CLASP2: variants seen among roughly 807,000 people sequenced by gnomAD.
CLASP2 encodes the protein cytoplasmic linker associated protein 2, also known as CLIP-associating protein 2.
In CLASP2, 47 loss-of-function variants were observed where a neutral mutation model predicts 194.4. The observed-to-expected ratio is 0.24, with a 90% CI of 0.19 to 0.31. CLASP2 has a LOEUF of 0.31. Ranked by LOEUF, CLASP2 falls within the 10% of genes least tolerant of loss-of-function variation. CLASP2 has a pLI of 1.00. For synonymous variants in CLASP2, 619 were observed against 633.5 expected (o/e 0.98, Z 0.34); for missense variants, 1,445 against 1,823.6 (o/e 0.79, Z 3.78).
rs183525892 is a variant in CLASP2 at position 33,624,563 on chromosome 3, G to C, written c.1036-2283C>G. On this transcript the variant is annotated intron_variant, in intron 10 of 38. Transcript: ENST00000682230. ...CCCCCAGTGGATGCCTGAAACCTCA[G>C]ATAGTACTGAACCCTATATATGCTT... is the stretch of plus-strand genomic sequence containing the variant. Among the ~76,000 whole-genome samples, 58 of 152,210 alleles carry C rather than the reference G, an allele frequency of 3.8e-4. 2 individuals are homozygous for C. The East Asian group carries it at 7.7e-3, about 20-fold the overall frequency.
chr3:33,551,779 T>C (rs147235278), intron 29 of CLASP2, among the ~76,000 whole-genome samples: 36 of 152,304 alleles, frequency 2.4e-4, no homozygotes, highest in East Asian at 1.5e-3. Flanking sequence ...ATTATAAACA[T>C]TTCCTTAAAT....
chr3:33,678,680 A>G (rs1456221399), intron 6 of CLASP2, among the ~76,000 whole-genome samples: 5 of 152,192 alleles, frequency 3.3e-5, no homozygotes, highest in Non-Finnish European at 5.9e-5. Context: ...CAGGTCAAAA[A>G]CTCAGATCTA....
intron 22 of CLASP2, among the ~76,000 whole-genome samples, chr3:33,582,690 AG>A (rs1383959867): frequency 1.3e-5 from 2 of 152,184 alleles, no homozygotes; most frequent in Non-Finnish European, 2.9e-5. Flanking sequence ...GGAAAAAATA[AG>A]CCAATGCTTT....
intron 6 of CLASP2, among the ~76,000 whole-genome samples, chr3:33,671,544 T>C (rs1341323615): frequency 6.6e-6 from 1 of 152,142 alleles, no homozygotes; most frequent in African/African-American, 2.4e-5. Context: ...TGCATTTCCA[T>C]CTGAGGTACC....
intron 6 of CLASP2, chr3:33,682,887 A>G (rs1425299381): frequency 1.3e-5 from 2 of 152,228 alleles, no homozygotes; most frequent in Non-Finnish European, 2.9e-5. Flanking sequence ...AAGAGCTTAG[A>G]TTCCCTGCTA....
At chr3:33,526,791 C>G (rs1370019322) in intron 34 of CLASP2, among the ~76,000 whole-genome samples, 1 of 152,058 alleles carries the variant, frequency 6.6e-6, no homozygotes. Flanking sequence ...GCTTGGACCA[C>G]AGCACAATAA....
intron 28 of CLASP2, 52 bp from the exon 29 acceptor site, chr3:33,559,437 A>T: frequency 2.0e-6 from 2 of 1,004,868 alleles, no homozygotes; most frequent in Non-Finnish European, 3.0e-6. Context: ...GCAAGTACGC[A>T]TGTAACAGCA....
Position 33,649,706 on chromosome 3 carries a change from CT to C in CLASP2, c.716-4804del, listed in dbSNP as rs2082866316. Among the ~76,000 whole-genome samples, 6 of 152,290 alleles carry C rather than the reference CT, an allele frequency of 3.9e-5. No individual in the cohort carries two copies. The South Asian group carries it at 1.2e-3, about 32-fold the overall frequency. On this transcript the variant is annotated intron_variant, in intron 7 of 38. Transcript: ENST00000682230. ...AACAGAGGACTCTTCCCACCAAAAG[CT>C]GGTATACCAAACAACTATACCCTCG...
intron 9 of CLASP2, among the ~76,000 whole-genome samples, chr3:33,629,103 A>G (rs897580283): frequency 1.6e-4 from 24 of 152,206 alleles, no homozygotes; most frequent in African/African-American, 5.5e-4. Flanking sequence ...TAAGCTAGAA[A>G]GAAGTGGGAT....
chr3:33,655,699 TA>T (rs1236567254), intron 7 of CLASP2, among the ~76,000 whole-genome samples: 38 of 152,282 alleles, frequency 2.5e-4, no homozygotes, highest in African/African-American at 8.9e-4. Flanking sequence ...TATTTAGTAC[TA>T]ATTTATTGCT....
intron 12 of CLASP2, among the ~76,000 whole-genome samples, chr3:33,614,107 A>G (rs1262081398): frequency 6.6e-6 from 1 of 152,222 alleles, no homozygotes; most frequent in Non-Finnish European, 1.5e-5. Flanking sequence ...GTAGACTCTT[A>G]GGAAATAAAC....
rs1379398655 is a variant in CLASP2, at chr3:33,644,885, T to C, written c.734A>G (p.Glu245Gly). The change falls in exon 8 of 39, where the codon GAA (glutamate) becomes GGA (glycine). Residue 245 changes from glutamate to glycine, a missense_variant. Around this residue, in one of 4 missense-constraint regions of CLASP2, gnomAD observed 332 missense variants for 325.3 expected, o/e 1.02. Coordinates refer to ENST00000682230, the MANE Select transcript of CLASP2 (RefSeq NM_001365631.1). ...TGGCCTATTTCCATCCACTGATTCT[T>C]CATCATCGAAGCTTTTATCTGCACA... ...SVCKDKSFDD[E>G]ESVDGNRPSS... 6.2e-7 allele frequency: 1 copy of C among 1,600,828 alleles called. No individual in the cohort carries two copies. Among genetic ancestry groups the C allele is most frequent in the Non-Finnish European group, 8.5e-7 (1 of 1,172,808 alleles).
chr3:33,625,563 CTT>C (rs201541782), intron 10 of CLASP2, among the ~76,000 whole-genome samples: 16 of 139,050 alleles, frequency 1.2e-4, no homozygotes, highest in Non-Finnish European at 1.6e-4. Flanking sequence ...TGATCTCTCT[CTT>C]TTTTTTTTTT....
chr3:33,510,184 A>G (rs1305668235), intron 37 of CLASP2, among the ~76,000 whole-genome samples: 2 of 152,216 alleles, frequency 1.3e-5, no homozygotes, highest in African/African-American at 2.4e-5. Flanking sequence ...CTAGCAGAAA[A>G]TAGAATAGAG....
In CLASP2 at chr3:33,660,261, C is replaced by T. The variant is rs539803477; in HGVS notation, c.715+3184G>A. ...TCGCAGGGGGTCTCCAACTTTCAGT[C>T]TTTTCTTTCCTACAGGGCTGGTGTT... On this transcript the variant is annotated intron_variant, in intron 7 of 38. Transcript: ENST00000682230. 1.1e-4 allele frequency among the ~76,000 whole-genome samples: 16 copies of T among 152,326 alleles called. No individual in the cohort carries two copies. The East Asian group carries it at 3.1e-3, about 29-fold the overall frequency.
chr3:33,503,037 A>G (rs1575575531), intron 37 of CLASP2: 1 of 152,290 alleles, frequency 6.6e-6, no homozygotes, highest in East Asian at 1.9e-4. Context: ...TAACACTGCA[A>G]AGAGTATGGC....
intron 22 of CLASP2, among the ~76,000 whole-genome samples, chr3:33,583,169 G>A (rs2066541376): frequency 6.6e-6 from 1 of 152,298 alleles, no homozygotes; most frequent in African/African-American, 2.4e-5. Context: ...CTAATCCAGA[G>A]AGAACTGAAA....
intron 26 of CLASP2, among the ~76,000 whole-genome samples, chr3:33,567,487 C>A (rs1459730015): frequency 1.3e-5 from 2 of 152,146 alleles, no homozygotes; most frequent in African/African-American, 4.8e-5. Context: ...GCAGTTCTTT[C>A]CAGAGTCAAG....
intron 37 of CLASP2, chr3:33,504,759 A>G (rs2047684676): frequency 6.6e-6 from 1 of 152,208 alleles, no homozygotes; most frequent in Non-Finnish European, 1.5e-5. Flanking sequence ...CATGGAACCT[A>G]GATCCCTCAT....
Sources: allele counts gnomAD v4.1 joint callset (sites outside exome capture counted in the v4.1 genomes callset), GRCh38; gene constraint gnomAD v4.1.1; regional missense constraint gnomAD v4.1.1; transcripts MANE v1.5; gene names NCBI Gene and HGNC (gene_info 2026-07-23, HGNC 2026-07-21).